Variants in SMARCA2 observed in about 807,000 individuals in gnomAD.
The protein encoded by SMARCA2 is SWI/SNF related BAF chromatin remodeling complex subunit ATPase 2.
In SMARCA2, 61 loss-of-function variants were observed where a neutral mutation model predicts 199.8. The observed-to-expected ratio is 0.31, with a 90% CI of 0.25 to 0.38. The LOEUF (loss-of-function observed/expected upper bound fraction) is 0.38. SMARCA2 is among the 10% of genes least tolerant of loss of function. The pLI is 1.00. For missense variants in SMARCA2, 1,344 were observed against 2,012.2 expected (o/e 0.67, Z 6.35); for synonymous variants, 935 against 732.0 (o/e 1.28, Z -4.48).
intron 3 of SMARCA2, among the ~76,000 whole-genome samples, chr9:2,035,070 C>G (rs991273478): frequency 6.6e-6 from 1 of 151,566 alleles, no homozygotes; most frequent in South Asian, 2.1e-4. Context: ...GAGGCACAGT[C>G]TCCCTCTGTT....
At chr9:2,152,030 A>G (rs1278690087) in intron 27 of SMARCA2, among the ~76,000 whole-genome samples, 1 of 152,218 alleles carries the variant, frequency 6.6e-6, no homozygotes, top group Non-Finnish European at 1.5e-5. Context: ...TGGTAATTAC[A>G]TGGAGACTAT....
intron 4 of SMARCA2, chr9:2,043,137 C>G (rs915798809): frequency 6.6e-6 from 1 of 152,146 alleles, no homozygotes; most frequent in African/African-American, 2.4e-5. Flanking sequence ...ATATTATTCA[C>G]TTACGTAGAG....
rs1273388128 is a variant in SMARCA2 at position 2,125,208 on chromosome 9, C to T, written c.3981+1271C>T. On this transcript the variant is annotated intron_variant, in intron 27 of 33. Coordinates refer to ENST00000349721, the MANE Select transcript of SMARCA2 (RefSeq NM_003070.5). ...TGGGAGCCTGTGATTCTGAAAAGCA[C>T]TGCTCATTATTTGTGGTTGAACCGT... Among the ~76,000 whole-genome samples the T allele has an allele frequency of 7.2e-5, 11 of 152,276 alleles. No individual in the cohort carries two copies. The South Asian group carries it at 1.4e-3, about 20-fold the overall frequency.
At position 2,167,704 on chromosome 9, in the gene SMARCA2, C is replaced by T. The variant is rs558964120; in HGVS notation, c.4200-2715C>T. ...GGAATTGTGGTAAGACTCAGCTTGT[C>T]CTGAATTTTTAGTTCTCACATTGGA... On this transcript the variant is annotated intron_variant, in intron 28 of 33. Coordinates refer to ENST00000349721, the MANE Select transcript of SMARCA2 (RefSeq NM_003070.5). Among the ~76,000 whole-genome samples, 3 of 152,316 alleles carry T rather than the reference C, an allele frequency of 2.0e-5. No homozygotes were observed. The East Asian group carries it at 5.8e-4, about 29-fold the overall frequency.
chr9:2,027,295 T>G lies in SMARCA2; in HGVS notation c.-36-1692T>G, dbSNP rs543725283. On this transcript the variant is annotated intron_variant, in intron 1 of 33. Transcript: ENST00000349721. ...TGTCTTTACAAAAGATAAAAAAAAT[T>G]AGCTTGGCACGGTGGCGCCGCCTGT... Among the ~76,000 whole-genome samples the G allele has an allele frequency of 1.1e-4, 17 of 151,706 alleles. No individual in the cohort carries two copies. In the South Asian group the frequency reaches 3.6e-3, roughly 32 times the overall value.
In SMARCA2 at chr9:2,157,705, T is replaced by G. The variant is rs935864028; in HGVS notation, c.3982-3981T>G. 7 of 384,918 alleles carry G rather than the reference T, an allele frequency of 1.8e-5. No homozygotes were observed. In the South Asian group the frequency reaches 8.7e-4, roughly 48 times the overall value. The allele number at this position is 384,918 out of a possible 1,614,324, so 23.8% of individuals were successfully genotyped here. The stretch of plus-strand genomic sequence containing the variant: ...CTTGGAGAGGCGGAGGTGGAAACGA[T>G]GCGCAGGAGTTGGCTTGGGGCTTTT... On this transcript the variant is annotated intron_variant, in intron 27 of 33. Coordinates refer to ENST00000349721, the MANE Select transcript of SMARCA2 (RefSeq NM_003070.5).
intron 28 of SMARCA2, among the ~76,000 whole-genome samples, chr9:2,162,143 A>C (rs1035870707): frequency 1.3e-5 from 2 of 152,228 alleles, no homozygotes; most frequent in Admixed American, 1.3e-4. Flanking sequence ...AAATGTTTAA[A>C]ATATCTAAAT....
intron 9 of SMARCA2, among the ~76,000 whole-genome samples, chr9:2,066,469 T>C (rs530277706): frequency 6.6e-6 from 1 of 152,224 alleles, no homozygotes; most frequent in Non-Finnish European, 1.5e-5. Flanking sequence ...ATGGAAGATA[T>C]GAATTGACGT....
chr9:2,055,672 A>G (rs1414156748), intron 6 of SMARCA2: 1 of 152,208 alleles, frequency 6.6e-6, no homozygotes, highest in Non-Finnish European at 1.5e-5. Context: ...ACAGATGGAC[A>G]TTAGTGGTGG....
At chr9:2,176,846 C>T (rs1826645949) in intron 29 of SMARCA2, among the ~76,000 whole-genome samples, 2 of 152,152 alleles carry the variant, frequency 1.3e-5, no homozygotes, top group South Asian at 2.1e-4. Flanking sequence ...GTGTGAGCCA[C>T]TGTGCCCCAA....
chr9:2,097,186 G>GT, intron 20 of SMARCA2, 199 bp from the exon 21 acceptor site: 1 of 519,898 alleles, frequency 1.9e-6, no homozygotes. Context: ...TTTTTGTAGC[G>GT]TAAGTTAATC....
At chr9:2,019,382 A>G (rs958053768) in intron 1 of SMARCA2, among the ~76,000 whole-genome samples, 6 of 151,952 alleles carry the variant, frequency 3.9e-5, no homozygotes, top group Non-Finnish European at 7.4e-5. Flanking sequence ...CCACAAGAGC[A>G]TGTTCAAAGC....
intron 9 of SMARCA2, among the ~76,000 whole-genome samples, chr9:2,064,908 G>T (rs1372804506): frequency 6.6e-6 from 1 of 152,216 alleles, no homozygotes; most frequent in Admixed American, 6.5e-5. Flanking sequence ...CCATCAGCTG[G>T]GTGCGGCGGC....
intron 1 of SMARCA2, among the ~76,000 whole-genome samples, chr9:2,025,438 T>C (rs1486888432): frequency 6.6e-6 from 1 of 152,130 alleles, no homozygotes; most frequent in Non-Finnish European, 1.5e-5. Context: ...ACTCCCTCCT[T>C]CTCCTAACAC....
At chr9:2,053,555 G>T (rs915361670) in intron 5 of SMARCA2, among the ~76,000 whole-genome samples, 1 of 152,110 alleles carries the variant, frequency 6.6e-6, no homozygotes, top group Non-Finnish European at 1.5e-5. Context: ...TTACAGAGGC[G>T]TGTCTGTGTG....
intron 27 of SMARCA2, among the ~76,000 whole-genome samples, chr9:2,140,647 A>C (rs1342725612): frequency 6.6e-6 from 1 of 152,242 alleles, no homozygotes; most frequent in East Asian, 1.9e-4. Flanking sequence ...GTGAAGAAAG[A>C]AACTAGAATC....
chr9:2,188,224 G>T (rs181716910), intron 32 of SMARCA2, among the ~76,000 whole-genome samples: 57 of 152,122 alleles, frequency 3.7e-4, no homozygotes, highest in Non-Finnish European at 6.5e-4. Flanking sequence ...TAATGAATGT[G>T]AATGTACTGT....
rs776696051 is a variant in SMARCA2 at position 2,161,851 on chromosome 9, C to T, written c.4147C>T (p.Leu1383=). The T allele has an allele frequency of 1.9e-6, 3 of 1,614,122 alleles. No individual in the cohort carries two copies. The highest frequency in any genetic ancestry group is 2.5e-6 in the Non-Finnish European group (3 of 1,179,958). The change falls in exon 28 of 34, where the codon CTG becomes TTG. Residue 1383 remains leucine (L), a synonymous_variant. Transcript: ENST00000349721. The surrounding 1 kb of genome is among the most constrained non-coding windows in gnomAD (Gnocchi z 4.7). The part of the protein sequence containing the change: ...AEKLSPNPPK[L]TKQMNAIIDT... ...GAAACTGTCACCAAATCCCCCCAAACTGACAAAGCAGATGAACGCTATCAT... is the reference window on the plus strand; with the variant it reads ...GAAACTGTCACCAAATCCCCCCAAATTGACAAAGCAGATGAACGCTATCAT...
In SMARCA2 at chr9:2,077,852, T is replaced by A. The variant is rs953615813; in HGVS notation, c.2184+76T>A. 2.5e-5 allele frequency: 34 copies of A among 1,360,322 alleles called. No individual in the cohort carries two copies. The African/African-American group carries it at 4.7e-4, about 19-fold the overall frequency. 84.3% of individuals were successfully genotyped at this position (1,360,322 alleles called of 1,614,324 possible). ...TTTTGATTGAAGTATGTCGTGCACA[T>A]GTTGACTAAGGGCTTTTGATGATAT... is the stretch of plus-strand genomic sequence containing the variant. On this transcript the variant is annotated intron_variant, in intron 14 of 33. Coordinates refer to ENST00000349721, the MANE Select transcript of SMARCA2 (RefSeq NM_003070.5).
Sources: allele counts gnomAD v4.1 joint callset (sites outside exome capture counted in the v4.1 genomes callset), GRCh38; gene constraint gnomAD v4.1.1; non-coding constraint Gnocchi (gnomAD v3.1); transcripts MANE v1.5; gene names NCBI Gene and HGNC (gene_info 2026-07-23, HGNC 2026-07-21).